The following TMEM132B variants were observed in gnomAD, a reference collection of about 807,000 sequenced individuals.
The protein encoded by TMEM132B is transmembrane protein 132B.
Under a neutral mutation model 90.8 loss-of-function variants are expected in TMEM132B, and 18 were observed. That is an observed-to-expected ratio of 0.20 (90% confidence interval 0.14 to 0.29). The LOEUF (loss-of-function observed/expected upper bound fraction) is 0.29. Ranked by LOEUF, TMEM132B falls within the 10% of genes least tolerant of loss-of-function variation. The pLI, the probability that TMEM132B is intolerant of heterozygous loss-of-function variation, is 1.00. For synonymous variants in TMEM132B, 504 were observed against 523.3 expected (o/e 0.96, Z 0.50); for missense variants, 1,096 against 1,326.8 (o/e 0.83, Z 2.70).
At chr12:125,398,205 C>G (rs933825287) in intron 2 of TMEM132B, among the ~76,000 whole-genome samples, 2 of 152,104 alleles carry the variant, frequency 1.3e-5, no homozygotes, top group African/African-American at 4.8e-5. Flanking sequence ...CATTTAGCAT[C>G]CCTAACCCTA....
intron 2 of TMEM132B, among the ~76,000 whole-genome samples, chr12:125,373,632 A>G (rs919348432): frequency 5.3e-5 from 8 of 152,190 alleles, no homozygotes; most frequent in Non-Finnish European, 1.2e-4. Context: ...ACAAAGTACC[A>G]TTGTAGTGCC....
rs116484029 is a variant in TMEM132B at position 125,528,522 on chromosome 12, T to G, written c.1293+8897T>G. Among the ~76,000 whole-genome samples, 1,235 of 152,312 alleles carry G rather than the reference T, an allele frequency of 8.1e-3. 23 individuals carry two copies. Among genetic ancestry groups the G allele is most frequent in the African/African-American group, 0.029 (1,200 of 41,558 alleles). ...TTCTTTATTCCAGACAGCGTTTGTATGCCTCTTCTGTGCCGAGCACTGTTC... is the reference window on the plus strand; with the variant it reads ...TTCTTTATTCCAGACAGCGTTTGTAGGCCTCTTCTGTGCCGAGCACTGTTC... On this transcript the variant is annotated intron_variant, in intron 4 of 8. Transcript: ENST00000682704.
At chr12:125,533,594 G>C (rs576528314) in intron 4 of TMEM132B, among the ~76,000 whole-genome samples, 1 of 152,370 alleles carries the variant, frequency 6.6e-6, no homozygotes, top group Non-Finnish European at 1.5e-5. Flanking sequence ...CTCCTCCGGG[G>C]AAGGACCTCG....
intron 2 of TMEM132B, among the ~76,000 whole-genome samples, chr12:125,392,590 T>G (rs1237043292): frequency 1.3e-5 from 2 of 152,152 alleles, no homozygotes; most frequent in Non-Finnish European, 2.9e-5. Flanking sequence ...TTGGGTACTT[T>G]CAAAGGGACC....
At chr12:125,565,130 G>GTC (rs1472068935) in intron 4 of TMEM132B, among the ~76,000 whole-genome samples, 1 of 152,336 alleles carries the variant, frequency 6.6e-6, no homozygotes, top group East Asian at 1.9e-4. Flanking sequence ...TACAGATAAA[G>GTC]AAAGTAAGTC....
chr12:125,429,359 C>T (rs932797819), intron 3 of TMEM132B, among the ~76,000 whole-genome samples: 1 of 97,230 alleles, frequency 1.0e-5, no homozygotes, highest in East Asian at 4.8e-4. Context: ...ACCACCATGC[C>T]TAGATAATTT....
intron 1 of TMEM132B, among the ~76,000 whole-genome samples, chr12:125,196,865 G>A (rs1043417934): frequency 5.9e-5 from 9 of 152,110 alleles, no homozygotes; most frequent in Admixed American, 3.9e-4. Flanking sequence ...GATGCTTGAC[G>A]CGACCAGGGC....
intron 1 of TMEM132B, among the ~76,000 whole-genome samples, chr12:125,243,597 T>C: frequency 6.6e-6 from 1 of 152,192 alleles, no homozygotes; most frequent in East Asian, 1.9e-4. Context: ...TGAGCCACTG[T>C]GGCCAGCCAC....
chr12:125,621,443 C>T (rs114003571), intron 5 of TMEM132B, among the ~76,000 whole-genome samples: 2 of 152,012 alleles, frequency 1.3e-5, no homozygotes, highest in African/African-American at 4.8e-5. Context: ...AGTATGGGAG[C>T]GGGGCTTGAG....
chr12:125,653,068 A>G (rs978593188), intron 8 of TMEM132B, among the ~76,000 whole-genome samples: 1 of 152,190 alleles, frequency 6.6e-6, no homozygotes, highest in Non-Finnish European at 1.5e-5. Context: ...CTAAACTTCT[A>G]TAAATTATTT....
At chr12:125,402,843 C>G (rs953819102) in intron 2 of TMEM132B, among the ~76,000 whole-genome samples, 1 of 151,990 alleles carries the variant, frequency 6.6e-6, no homozygotes, top group East Asian at 1.9e-4. Context: ...TAATGAAGAA[C>G]CTATGGAAAA....
At chr12:125,241,739 C>T (rs1299164362) in intron 1 of TMEM132B, among the ~76,000 whole-genome samples, 5 of 152,188 alleles carry the variant, frequency 3.3e-5, no homozygotes, top group Non-Finnish European at 5.9e-5. Flanking sequence ...AGAAGCCGTC[C>T]AGTCCATGGC....
At chr12:125,496,211 A>G (rs1199190889) in intron 3 of TMEM132B, among the ~76,000 whole-genome samples, 3 of 152,146 alleles carry the variant, frequency 2.0e-5, no homozygotes, top group African/African-American at 7.2e-5. Context: ...GAGATGTGTA[A>G]TTGTAAGACT....
intron 3 of TMEM132B, among the ~76,000 whole-genome samples, chr12:125,515,478 T>TTC (rs150640244): frequency 0.22 from 26,540 of 120,300 alleles, 2,986 homozygotes; most frequent in East Asian, 0.43. Flanking sequence ...CATTCACACA[T>TTC]TGTCACACTC....
intron 3 of TMEM132B, among the ~76,000 whole-genome samples, chr12:125,426,838 G>A (rs1880331823): frequency 6.6e-6 from 1 of 152,208 alleles, no homozygotes; most frequent in African/African-American, 2.4e-5. Context: ...AGAGTCAGAC[G>A]CTGAGACAGT....
At chr12:125,505,164 G>GAAA (rs1566056531) in intron 3 of TMEM132B, among the ~76,000 whole-genome samples, 2 of 4,580 alleles carry the variant, frequency 4.4e-4, no homozygotes, top group Non-Finnish European at 4.4e-4. Context: ...CACACCAGAG[G>GAAA]ACAAAAAAAA....
intron 4 of TMEM132B, among the ~76,000 whole-genome samples, chr12:125,548,802 C>T (rs963147956): frequency 6.6e-6 from 1 of 152,114 alleles, no homozygotes; most frequent in Non-Finnish European, 1.5e-5. Context: ...GGGAAATGGG[C>T]TGAGGGTTAC....
chr12:125,231,560 T>C (rs148992464), intron 1 of TMEM132B, among the ~76,000 whole-genome samples: 24 of 152,326 alleles, frequency 1.6e-4, no homozygotes, highest in African/African-American at 5.8e-4. Flanking sequence ...ATATTGCCCA[T>C]GTCCCAGTGG....
intron 3 of TMEM132B, among the ~76,000 whole-genome samples, chr12:125,509,791 C>T (rs772870077): frequency 1.3e-4 from 20 of 152,142 alleles, no homozygotes; most frequent in Non-Finnish European, 2.9e-4. Context: ...CGAATGTTTG[C>T]CTCGGGAATC....
Sources: allele counts gnomAD v4.1 joint callset (sites outside exome capture counted in the v4.1 genomes callset), GRCh38; gene constraint gnomAD v4.1.1; transcripts MANE v1.5; gene names NCBI Gene and HGNC (gene_info 2026-07-23, HGNC 2026-07-21).